C11orf65: variants seen among roughly 807,000 people sequenced by gnomAD.
C11orf65 encodes the protein protein MFI.
C11orf65 carries 38 observed loss-of-function variants against 35.3 expected under a neutral mutation model. The ratio of observed to expected loss-of-function variants is 1.08; its 90% CI spans 0.83 to 1.41. C11orf65 has a LOEUF of 1.41. Ranked by LOEUF, C11orf65 falls within the 40% of genes most tolerant of loss-of-function variation. C11orf65 has a pLI of 0.00. For missense variants in C11orf65, 370 were observed against 367.1 expected (o/e 1.01, Z -0.06); for synonymous variants, 105 against 114.4 (o/e 0.92, Z 0.53).
At chr11:108,405,358 A>G in intron 6 of C11orf65, 71 bp downstream of exon 6, 1 of 1,507,930 alleles carries the variant, frequency 6.6e-7, no homozygotes, top group Non-Finnish European at 9.0e-7. Flanking sequence ...GTGAGGAGCA[A>G]TACCTCATTT....
chr11:108,309,157 A>AT, intron 6 of C11orf65: 1 of 740,248 alleles, frequency 1.4e-6, no homozygotes, highest in East Asian at 2.7e-5. Flanking sequence ...ATTACTTGTT[A>AT]TCCTGTACAG....
At chr11:108,445,900 A>G (rs1263348503) in intron 2 of C11orf65, among the ~76,000 whole-genome samples, 1 of 152,212 alleles carries the variant, frequency 6.6e-6, no homozygotes, top group East Asian at 1.9e-4. Context: ...ATGGATAACT[A>G]GAATAATCAA....
At chr11:108,447,366 T>G (rs979796020) in intron 2 of C11orf65, among the ~76,000 whole-genome samples, 4 of 151,952 alleles carry the variant, frequency 2.6e-5, no homozygotes, top group Non-Finnish European at 5.9e-5. Context: ...TATTCCAAAA[T>G]TGACCACATA....
downstream of C11orf65, among the ~76,000 whole-genome samples, chr11:108,326,878 T>A (rs2085731372): frequency 6.6e-6 from 1 of 152,136 alleles, no homozygotes; most frequent in Non-Finnish European, 1.5e-5. Context: ...CAGGCTGGAG[T>A]GCAGTGGTAC....
At chr11:108,458,150 T>G (rs2093429456) in intron 2 of C11orf65, among the ~76,000 whole-genome samples, 1 of 152,070 alleles carries the variant, frequency 6.6e-6, no homozygotes, top group Admixed American at 6.6e-5. Flanking sequence ...ACTATTTTTG[T>G]TTTCTTCAGG....
chr11:108,385,624 G>A (rs1057031894), intron 8 of C11orf65, among the ~76,000 whole-genome samples: 2 of 151,672 alleles, frequency 1.3e-5, no homozygotes, highest in African/African-American at 4.8e-5. Flanking sequence ...GGAGCTTGCA[G>A]TGAGCCAACA....
intron 6 of C11orf65, among the ~76,000 whole-genome samples, chr11:108,313,758 T>C (rs2084371707): frequency 6.6e-6 from 1 of 152,226 alleles, no homozygotes; most frequent in Non-Finnish European, 1.5e-5. Flanking sequence ...GTTGGAACTA[T>C]AGAATTATGC....
intron 3 of C11orf65, among the ~76,000 whole-genome samples, chr11:108,334,495 A>T (rs1332886916): frequency 6.6e-6 from 1 of 152,210 alleles, no homozygotes; most frequent in Admixed American, 6.5e-5. Context: ...TATATGTAAT[A>T]AGGGTTATAA....
intron 2 of C11orf65, among the ~76,000 whole-genome samples, chr11:108,346,798 TG>T (rs766556947): frequency 3.2e-4 from 49 of 152,114 alleles, no homozygotes; most frequent in Admixed American, 6.5e-4. Flanking sequence ...TGCAGTTTTT[TG>T]GGGGGATACA....
intron 2 of C11orf65, among the ~76,000 whole-genome samples, chr11:108,372,717 A>G (rs1456676584): frequency 6.6e-6 from 1 of 152,236 alleles, no homozygotes; most frequent in Non-Finnish European, 1.5e-5. Flanking sequence ...AATGATACCA[A>G]TTCTACAAAA....
At chr11:108,383,304 C>T (rs964852353) in intron 8 of C11orf65, 129 bp from the exon 9 acceptor site, 1 of 736,938 alleles carries the variant, frequency 1.4e-6, no homozygotes, top group Admixed American at 3.6e-5. Context: ...TCACCTGAAA[C>T]CAGAAACACC....
chr11:108,368,723 A>C (rs1343254576), intron 2 of C11orf65: 1 of 215,114 alleles, frequency 4.6e-6, no homozygotes, highest in Non-Finnish European at 9.4e-6. Flanking sequence ...ATTAAGGGAG[A>C]TAATAGCTTT....
chr11:108,423,394 G>C (rs1255156764), intron 3 of C11orf65, among the ~76,000 whole-genome samples: 2 of 152,182 alleles, frequency 1.3e-5, no homozygotes, highest in Admixed American at 6.5e-5. Flanking sequence ...GAGTTTGGTG[G>C]GGGGAGGGAC....
At chr11:108,317,644 T>TACAC (rs1406149954) in intron 6 of C11orf65, 1 of 153,486 alleles carries the variant, frequency 6.5e-6, no homozygotes, top group African/African-American at 3.9e-5. Context: ...TATATATATA[T>TACAC]ATATATATAC....
chr11:108,448,457 C>T (rs1004394541), intron 2 of C11orf65, among the ~76,000 whole-genome samples: 2 of 152,186 alleles, frequency 1.3e-5, no homozygotes, highest in Non-Finnish European at 2.9e-5. Flanking sequence ...GGCTTCATCC[C>T]TGGGATGCAA....
intron 3 of C11orf65, among the ~76,000 whole-genome samples, chr11:108,407,485 AT>A (rs375638984): frequency 1.1e-3 from 146 of 137,062 alleles, no homozygotes; most frequent in Admixed American, 2.6e-3. Flanking sequence ...CTAATTTTGT[AT>A]TTTTTTTTTT....
intron 2 of C11orf65, among the ~76,000 whole-genome samples, chr11:108,439,216 TA>T (rs2093112968): frequency 6.6e-6 from 1 of 152,082 alleles, no homozygotes; most frequent in African/African-American, 2.4e-5. Context: ...AAGTGGTCAA[TA>T]AGGACAAAAA....
intron 2 of C11orf65, chr11:108,345,939 C>G (rs1399796541): frequency 2.0e-5 from 32 of 1,611,378 alleles, no homozygotes; most frequent in Non-Finnish European, 2.5e-5. Flanking sequence ...GTAGATTGAG[C>G]ACTTTGTTGT....
At chr11:108,429,368 G>T (rs922397745) in intron 3 of C11orf65, among the ~76,000 whole-genome samples, 58 of 151,966 alleles carry the variant, frequency 3.8e-4, no homozygotes, top group Middle Eastern at 3.2e-3. Context: ...GTACATGGTG[G>T]CTTATGATTT....
Sources: gnomAD v4.1 joint callset for allele counts (sites outside exome capture counted in the v4.1 genomes callset) on GRCh38, gnomAD v4.1.1 for gene constraint, MANE v1.5 for transcripts, NCBI Gene and HGNC (gene_info 2026-07-23, HGNC 2026-07-21) for gene names.